The following RIT2 variants were observed in gnomAD, a reference collection of about 807,000 sequenced individuals.
The protein encoded by RIT2 is GTP-binding protein Rit2.
Under a neutral mutation model 23.7 loss-of-function variants are expected in RIT2, and 24 were observed. That is an observed-to-expected ratio of 1.01 (90% CI 0.73 to 1.43). The LOEUF is 1.43. RIT2 is among the 40% of genes most tolerant of loss of function. The probability of loss-of-function intolerance (pLI) is 0.00; values close to 1 mark genes in which losing one functional copy is unlikely to be tolerated. For synonymous variants in RIT2, 107 were observed against 91.1 expected, an observed-to-expected ratio of 1.17 and a Z score of -0.99; for missense variants, 236 against 266.9, an observed-to-expected ratio of 0.88 and a Z score of 0.81.
At chr18:43,073,090 G>A (rs986478570) in intron 1 of RIT2, among the ~76,000 whole-genome samples, 3 of 152,054 alleles carry the variant, frequency 2.0e-5, no homozygotes, top group Admixed American at 6.6e-5. Context: ...ACTTAATAAC[G>A]AGGGTGTAGA....
At chr18:43,105,490 G>GAAGGGAGGAAGAGAGGAAGGGTGGAAGGA (rs1568083814) in intron 1 of RIT2, among the ~76,000 whole-genome samples, 1 of 118,240 alleles carries the variant, frequency 8.5e-6, no homozygotes, top group Non-Finnish European at 1.7e-5. Flanking sequence ...GGGAGGAAGG[G>GAAGGGAGGAAGAGAGGAAGGGTGGAAGGA]AGGAAGAAAG....
At chr18:43,087,454 C>T (rs751041588) in intron 1 of RIT2, among the ~76,000 whole-genome samples, 19 of 152,040 alleles carry the variant, frequency 1.2e-4, no homozygotes, top group Non-Finnish European at 2.2e-4. Context: ...ACCTCAGCAC[C>T]TGTGTCTCCC....
chr18:42,792,409 A>C (rs984059629), intron 4 of RIT2, among the ~76,000 whole-genome samples: 1 of 152,202 alleles, frequency 6.6e-6, no homozygotes, highest in African/African-American at 2.4e-5. Context: ...TTACAATATC[A>C]GTCATTGCAA....
At chr18:42,890,281 A>T (rs989915018) in intron 4 of RIT2, among the ~76,000 whole-genome samples, 12 of 152,104 alleles carry the variant, frequency 7.9e-5, no homozygotes, top group Non-Finnish European at 1.5e-5. Context: ...ATTATAAAAA[A>T]AAATTCCAAA....
intron 1 of RIT2, among the ~76,000 whole-genome samples, chr18:43,110,325 T>C (rs957627022): frequency 6.6e-6 from 1 of 151,944 alleles, no homozygotes; most frequent in Non-Finnish European, 1.5e-5. Flanking sequence ...AAATCCCAAA[T>C]GCAGATATTT....
chr18:42,924,155 T>C (rs1435160158), intron 3 of RIT2, among the ~76,000 whole-genome samples: 2 of 152,144 alleles, frequency 1.3e-5, no homozygotes, highest in African/African-American at 4.8e-5. Flanking sequence ...AAAAATTGTA[T>C]AATCTAAGGA....
intron 4 of RIT2, among the ~76,000 whole-genome samples, chr18:42,850,232 T>C (rs1907017331): frequency 6.6e-6 from 1 of 152,134 alleles, no homozygotes; most frequent in South Asian, 2.1e-4. Context: ...TCTTTACCTA[T>C]CTGTTTAATT....
At chr18:42,986,648 T>C (rs1598739135) in intron 2 of RIT2, among the ~76,000 whole-genome samples, 1 of 151,746 alleles carries the variant, frequency 6.6e-6, no homozygotes, top group Non-Finnish European at 1.5e-5. Flanking sequence ...ACTATAGGTG[T>C]GTGCAACCGT....
intron 4 of RIT2, among the ~76,000 whole-genome samples, chr18:42,911,337 TG>T (rs1355706960): frequency 1.3e-5 from 2 of 151,862 alleles, no homozygotes; most frequent in Non-Finnish European, 2.9e-5. Flanking sequence ...CAGAAATCAA[TG>T]AATTTGTAAA....
intron 4 of RIT2, among the ~76,000 whole-genome samples, chr18:42,824,080 T>TA (rs758281974): frequency 2.0e-5 from 3 of 152,156 alleles, no homozygotes; most frequent in Non-Finnish European, 4.4e-5. Context: ...TAAATGATGT[T>TA]AAAAAATCAT....
chr18:43,071,023 C>T (rs919608828), intron 1 of RIT2, among the ~76,000 whole-genome samples: 2 of 152,138 alleles, frequency 1.3e-5, no homozygotes, highest in East Asian at 1.9e-4. Flanking sequence ...AGAACATTGG[C>T]TTTTCTTGGT....
chr18:43,085,952 C>T (rs1019414467), intron 1 of RIT2, among the ~76,000 whole-genome samples: 1 of 152,080 alleles, frequency 6.6e-6, no homozygotes, highest in Admixed American at 6.6e-5. Flanking sequence ...TAGATTTTGC[C>T]TTCTACCATG....
chr18:42,745,286 A>T (rs984676157), intron 4 of RIT2, among the ~76,000 whole-genome samples: 1 of 152,154 alleles, frequency 6.6e-6, no homozygotes, highest in Non-Finnish European at 1.5e-5. Flanking sequence ...ATAACTAAGA[A>T]AAAAAACCTT....
At chr18:42,836,574 G>C (rs768254834) in intron 4 of RIT2, among the ~76,000 whole-genome samples, 8 of 151,994 alleles carry the variant, frequency 5.3e-5, no homozygotes, top group Non-Finnish European at 1.0e-4. Context: ...GCTTCGTTTG[G>C]GGATACTAAC....
chr18:42,929,034 G>GATATATAT (rs770619793), intron 3 of RIT2, among the ~76,000 whole-genome samples: 21,109 of 96,762 alleles, frequency 0.22, 2,722 homozygotes, highest in Non-Finnish European at 0.28. Context: ...AAAATATGGA[G>GATATATAT]ATATATATAT....
At position 42,786,886 on chromosome 18, in the gene RIT2, G is replaced by A. The variant is rs562693586; in HGVS notation, c.427-43166C>T. 2.0e-5 allele frequency among the ~76,000 whole-genome samples: 3 copies of A among 152,130 alleles called. No homozygotes were observed. In the East Asian group the frequency reaches 5.8e-4, roughly 29 times the overall value. ...TGTTGTTTTATCCTCATCCTGTTCA[G>A]AATTTCTACAGCTCTGATTATCATA... On this transcript the variant is annotated intron_variant, in intron 4 of 4. Coordinates refer to ENST00000326695, the MANE Select transcript of RIT2 (RefSeq NM_002930.4).
intron 4 of RIT2, among the ~76,000 whole-genome samples, chr18:42,867,839 C>T (rs916772368): frequency 6.6e-6 from 1 of 152,112 alleles, no homozygotes; most frequent in African/African-American, 2.4e-5. Context: ...CGATTCTCAG[C>T]AATTTCAGTA....
At chr18:42,946,961 AG>A (rs1242107265) in intron 3 of RIT2, among the ~76,000 whole-genome samples, 13 of 152,118 alleles carry the variant, frequency 8.5e-5, no homozygotes. Flanking sequence ...TTGCCTAGCA[AG>A]AGATACTATG....
chr18:42,950,474 T>C (rs770020780), intron 3 of RIT2, among the ~76,000 whole-genome samples: 2 of 152,046 alleles, frequency 1.3e-5, no homozygotes, highest in Non-Finnish European at 1.5e-5. Context: ...ATTCTGGACA[T>C]AGACTTTGGG....
Sources: gnomAD v4.1 joint callset for allele counts (sites outside exome capture counted in the v4.1 genomes callset) on GRCh38, gnomAD v4.1.1 for gene constraint, MANE v1.5 for transcripts, NCBI Gene and HGNC (gene_info 2026-07-23, HGNC 2026-07-21) for gene names.